Variants in TANGO6 observed in about 807,000 individuals in gnomAD.
TANGO6 encodes transport and golgi organization 6 homolog, also known as transport and Golgi organization protein 6 homolog.
TANGO6 carries 90 observed loss-of-function variants against 114.2 expected under a neutral mutation model. That is an observed-to-expected ratio of 0.79 (90% confidence interval 0.66 to 0.94). TANGO6 has a LOEUF of 0.94. Ranked by LOEUF, TANGO6 falls within the 40% of genes least tolerant of loss-of-function variation. TANGO6 has a pLI of 0.00. For missense variants in TANGO6, 1,274 were observed against 1,315.3 expected (o/e 0.97, Z 0.49); for synonymous variants, 477 against 509.8 (o/e 0.94, Z 0.87).
intron 14 of TANGO6, among the ~76,000 whole-genome samples, chr16:68,944,476 A>G (rs1963392523): frequency 1.3e-5 from 2 of 152,222 alleles, no homozygotes; most frequent in Non-Finnish European, 2.9e-5. Context: ...TGCCAGGAGG[A>G]AAAGAGTCCT....
At chr16:68,869,107 T>G (rs1278864534) in intron 4 of TANGO6, among the ~76,000 whole-genome samples, 1 of 152,356 alleles carries the variant, frequency 6.6e-6, no homozygotes, top group Non-Finnish European at 1.5e-5. Flanking sequence ...TTTTTGTACA[T>G]CTGATTAGTT....
intron 7 of TANGO6, among the ~76,000 whole-genome samples, chr16:68,888,966 G>A (rs1425969328): frequency 2.0e-5 from 3 of 152,106 alleles, no homozygotes; most frequent in Non-Finnish European, 2.9e-5. Flanking sequence ...TGGGATTACA[G>A]GCATGTGCCA....
At chr16:68,877,343 C>T (rs1302973972) in intron 5 of TANGO6, among the ~76,000 whole-genome samples, 3 of 151,584 alleles carry the variant, frequency 2.0e-5, no homozygotes, top group Non-Finnish European at 4.4e-5. Flanking sequence ...TGGCATGTGC[C>T]TGTAATCCCA....
chr16:68,953,782 T>G (rs1267944822), intron 14 of TANGO6, among the ~76,000 whole-genome samples: 2 of 152,182 alleles, frequency 1.3e-5, no homozygotes, highest in Non-Finnish European at 2.9e-5. Context: ...CTAGTCTATA[T>G]GAATAGGAGG....
intron 12 of TANGO6, among the ~76,000 whole-genome samples, chr16:68,922,146 A>G (rs1005879874): frequency 1.4e-4 from 22 of 152,042 alleles, no homozygotes; most frequent in Admixed American, 1.4e-3. Flanking sequence ...AATTTATGTA[A>G]TCAAAGTGAT....
intron 14 of TANGO6, among the ~76,000 whole-genome samples, chr16:68,942,694 G>A (rs958643604): frequency 2.6e-5 from 4 of 152,112 alleles, no homozygotes; most frequent in Non-Finnish European, 5.9e-5. Context: ...TTCATGTCAG[G>A]CCATAATGGC....
chr16:68,859,139 T>C (rs932214102), intron 1 of TANGO6, among the ~76,000 whole-genome samples: 3 of 152,190 alleles, frequency 2.0e-5, no homozygotes, highest in Non-Finnish European at 4.4e-5. Flanking sequence ...GTAAGTTCCA[T>C]GAGGAAGAGC....
Position 69,083,513 on chromosome 16 carries a change from AC to A in TANGO6, c.3139del (p.His1047ThrfsTer3), listed in dbSNP as rs1399651239. On this transcript the variant is annotated frameshift_variant, in exon 18 of 18. Coordinates refer to ENST00000261778, the MANE Select transcript of TANGO6 (RefSeq NM_024562.2). LOFTEE classifies it high-confidence loss of function. ...CTGAGCGCCGTCCTCAAGGATCTCTACCACCTGCTGAAGCACGTAGTGTGTC... is the reference window on the plus strand; with the variant it reads ...CTGAGCGCCGTCCTCAAGGATCTCTACACCTGCTGAAGCACGTAGTGTGTC... ...EVLSAVLKDL[Y>X]HLLKHVVCLE... 6.2e-7 allele frequency: 1 copy of A among 1,612,314 alleles called. No homozygotes were observed. The highest frequency in any genetic ancestry group is 8.5e-7 in the Non-Finnish European group (1 of 1,179,286).
In TANGO6 at chr16:69,022,880, A is replaced by G; in HGVS notation, c.2895A>G (p.Gly965=). ...CTTTGATCCATACCTTCCTGAGGGG[A>G]GTGAGAGATCCTGATGGTGCTCACA... ...REPLIHTFLR[G]VRDPDGAHRA... The change falls in exon 16 of 18, where the codon GGA becomes GGG. Residue 965 remains glycine, a synonymous_variant. Transcript: ENST00000261778. The G allele has an allele frequency of 6.3e-7, 1 of 1,594,934 alleles. No individual in the cohort carries two copies. Among genetic ancestry groups the G allele is most frequent in the Non-Finnish European group, 8.5e-7 (1 of 1,170,412 alleles).
At chr16:69,006,810 C>T (rs993865402) in intron 15 of TANGO6, among the ~76,000 whole-genome samples, 3 of 152,118 alleles carry the variant, frequency 2.0e-5, no homozygotes, top group Non-Finnish European at 2.9e-5. Flanking sequence ...CCATATAATT[C>T]AACCATTTAC....
intron 15 of TANGO6, among the ~76,000 whole-genome samples, chr16:69,010,873 A>C (rs903674723): frequency 6.6e-6 from 1 of 152,230 alleles, no homozygotes; most frequent in Non-Finnish European, 1.5e-5. Context: ...GCAGTTTGGA[A>C]ATTAAATTCT....
chr16:68,855,939 A>C (rs545931014), intron 1 of TANGO6, among the ~76,000 whole-genome samples: 1 of 152,248 alleles, frequency 6.6e-6, no homozygotes, highest in African/African-American at 2.4e-5. Context: ...TATAAAATAA[A>C]ATGTCTTTTT....
chr16:68,961,719 A>G (rs1255804852), intron 14 of TANGO6, among the ~76,000 whole-genome samples: 1 of 152,222 alleles, frequency 6.6e-6, no homozygotes, highest in Non-Finnish European at 1.5e-5. Flanking sequence ...CAGATATATT[A>G]TTTAGATACT....
At chr16:69,022,214 A>G (rs1959420269) in intron 15 of TANGO6, among the ~76,000 whole-genome samples, 1 of 151,906 alleles carries the variant, frequency 6.6e-6, no homozygotes, top group Non-Finnish European at 1.5e-5. Context: ...AGTTTTCTGT[A>G]ATAAGACTCT....
chr16:69,079,723 T>C (rs975386078), intron 17 of TANGO6, among the ~76,000 whole-genome samples: 12 of 152,122 alleles, frequency 7.9e-5, no homozygotes, highest in Admixed American at 2.6e-4. Flanking sequence ...TTAGCAAAAA[T>C]AAGGAGTTTA....
chr16:68,844,350 G>A (rs946902256), intron 1 of TANGO6, among the ~76,000 whole-genome samples: 1 of 152,122 alleles, frequency 6.6e-6, no homozygotes, highest in African/African-American at 2.4e-5. Flanking sequence ...CCAAGATCAC[G>A]TGGTCAAATT....
chr16:69,077,862 G>A, intron 17 of TANGO6, among the ~76,000 whole-genome samples: 1 of 152,010 alleles, frequency 6.6e-6, no homozygotes, highest in East Asian at 1.9e-4. Flanking sequence ...GCAAAACATG[G>A]CCTCAGTGTC....
At chr16:69,068,510 C>T (rs557070830) in intron 17 of TANGO6, among the ~76,000 whole-genome samples, 2 of 152,112 alleles carry the variant, frequency 1.3e-5, no homozygotes, top group Non-Finnish European at 2.9e-5. Context: ...CTGGCATATA[C>T]CAAGTACTAT....
chr16:68,933,671 C>T (rs981710068), intron 14 of TANGO6: 5 of 152,202 alleles, frequency 3.3e-5, no homozygotes, highest in Non-Finnish European at 7.3e-5. Context: ...ACCATAAATT[C>T]CTCCTCAGGC....
Sources: allele counts gnomAD v4.1 joint callset (sites outside exome capture counted in the v4.1 genomes callset), GRCh38; gene constraint gnomAD v4.1.1; transcripts MANE v1.5; gene names NCBI Gene and HGNC (gene_info 2026-07-23, HGNC 2026-07-21).